Variants in RALGAPA2 observed in about 807,000 individuals in gnomAD.
The protein encoded by RALGAPA2 is ral GTPase-activating protein subunit alpha-2.
A neutral mutation model predicts 230.4 loss-of-function variants in RALGAPA2; 139 were observed. The ratio of observed to expected loss-of-function variants is 0.60; its 90% CI spans 0.53 to 0.69. RALGAPA2 has a LOEUF of 0.69. RALGAPA2 is among the 30% of genes least tolerant of loss of function. The pLI, the probability that RALGAPA2 is intolerant of heterozygous loss-of-function variation, is 0.00. For synonymous variants in RALGAPA2, 847 were observed against 837.8 expected (o/e 1.01, Z -0.19); for missense variants, 2,163 against 2,276.0 (o/e 0.95, Z 1.01).
intron 16 of RALGAPA2, among the ~76,000 whole-genome samples, chr20:20,594,027 G>A (rs1468975159): frequency 6.6e-6 from 1 of 152,148 alleles, no homozygotes; most frequent in Non-Finnish European, 1.5e-5. Flanking sequence ...TAGCAGGGCA[G>A]GAGCACTCGT....
chr20:20,615,505 G>T (rs962485024), intron 13 of RALGAPA2, among the ~76,000 whole-genome samples: 4 of 152,052 alleles, frequency 2.6e-5, no homozygotes, highest in African/African-American at 9.7e-5. Flanking sequence ...CTAATGCATT[G>T]TTTACCTGTA....
chr20:20,465,561 T>A (rs748382932), intron 37 of RALGAPA2, among the ~76,000 whole-genome samples: 39 of 152,182 alleles, frequency 2.6e-4, no homozygotes, highest in Non-Finnish European at 5.3e-4. Flanking sequence ...GTTCCTGATA[T>A]TCCCCTAGGG....
At chr20:20,607,989 T>C (rs2065871682) in intron 14 of RALGAPA2, among the ~76,000 whole-genome samples, 1 of 152,124 alleles carries the variant, frequency 6.6e-6, no homozygotes. Flanking sequence ...TCAATTACCA[T>C]TTTCTAAAAG....
intron 37 of RALGAPA2, among the ~76,000 whole-genome samples, chr20:20,454,583 C>T (rs148191667): frequency 1.8e-4 from 28 of 152,280 alleles, no homozygotes; most frequent in Non-Finnish European, 4.0e-4. Flanking sequence ...GATTGGAAGC[C>T]AGGTAAAGAA....
chr20:20,537,619 CAAAAAAAAAAAA>C (rs373034061), intron 24 of RALGAPA2, among the ~76,000 whole-genome samples: 126 of 41,098 alleles, frequency 3.1e-3, no homozygotes, highest in African/African-American at 8.2e-3. Flanking sequence ...GACTCCATCT[CAAAAAAAAAAAA>C]AAAAAAAAAG....
intron 23 of RALGAPA2, among the ~76,000 whole-genome samples, chr20:20,556,632 T>G (rs2064090747): frequency 6.6e-6 from 1 of 152,184 alleles, no homozygotes; most frequent in African/African-American, 2.4e-5. Context: ...CAATGAGACT[T>G]TAGCAAATGA....
At chr20:20,607,966 G>A (rs1327927946) in intron 14 of RALGAPA2, among the ~76,000 whole-genome samples, 2 of 152,068 alleles carry the variant, frequency 1.3e-5, no homozygotes, top group African/African-American at 4.8e-5. Flanking sequence ...ATGAAGGCAG[G>A]GTGTCCTTTT....
intron 2 of RALGAPA2, among the ~76,000 whole-genome samples, chr20:20,680,370 G>C (rs774757300): frequency 7.2e-5 from 11 of 152,178 alleles, no homozygotes; most frequent in Non-Finnish European, 1.6e-4. Context: ...GTTCATTTCA[G>C]ACCCTTTTAT....
intron 35 of RALGAPA2, among the ~76,000 whole-genome samples, chr20:20,501,282 T>C (rs2062368334): frequency 6.6e-6 from 1 of 152,262 alleles, no homozygotes; most frequent in South Asian, 2.1e-4. Flanking sequence ...CTGTTTTTAC[T>C]ACACTGAAAA....
chr20:20,465,848 A>G (rs1228354331), intron 37 of RALGAPA2, among the ~76,000 whole-genome samples: 1 of 152,194 alleles, frequency 6.6e-6, no homozygotes, highest in Non-Finnish European at 1.5e-5. Context: ...CTTTATTTTA[A>G]TACCCACAAT....
intron 37 of RALGAPA2, among the ~76,000 whole-genome samples, chr20:20,434,652 G>C (rs1026250435): frequency 2.0e-5 from 3 of 152,132 alleles, no homozygotes; most frequent in African/African-American, 7.2e-5. Flanking sequence ...ATTCCTCTTA[G>C]AGGCTGGGAG....
At chr20:20,601,872 T>C in intron 15 of RALGAPA2, 26 bp from the exon 16 acceptor site, 1 of 1,560,318 alleles carries the variant, frequency 6.4e-7, no homozygotes, top group African/African-American at 1.4e-5. Context: ...AAAAATAATC[T>C]AAAGGCTGAA....
intron 23 of RALGAPA2, among the ~76,000 whole-genome samples, chr20:20,557,836 C>T (rs1005003196): frequency 8.6e-5 from 13 of 152,028 alleles, no homozygotes; most frequent in Middle Eastern, 3.2e-3. Context: ...ACACGGAGAA[C>T]GGCATCAATC....
intron 1 of RALGAPA2, among the ~76,000 whole-genome samples, chr20:20,692,015 G>C (rs1396848200): frequency 6.6e-6 from 1 of 152,044 alleles, no homozygotes; most frequent in Non-Finnish European, 1.5e-5. Flanking sequence ...CTCTTATCAT[G>C]TGACGCCCAC....
At chr20:20,450,696 C>T (rs1277224229) in intron 37 of RALGAPA2, among the ~76,000 whole-genome samples, 3 of 152,042 alleles carry the variant, frequency 2.0e-5, no homozygotes, top group Non-Finnish European at 2.9e-5. Context: ...GCAGGGTTGT[C>T]GCCAAGAGTG....
At chr20:20,675,869 C>T (rs552279095) in intron 3 of RALGAPA2, among the ~76,000 whole-genome samples, 9 of 152,094 alleles carry the variant, frequency 5.9e-5, no homozygotes, top group Middle Eastern at 3.4e-3. Context: ...GTTTATATAA[C>T]ATTTTTGGGT....
chr20:20,553,086 A>G (rs562435014), intron 23 of RALGAPA2, among the ~76,000 whole-genome samples: 3 of 152,334 alleles, frequency 2.0e-5, no homozygotes, highest in Admixed American at 2.0e-4. Flanking sequence ...AATATGTGGT[A>G]TGTGCTTTAC....
intron 38 of RALGAPA2, among the ~76,000 whole-genome samples, chr20:20,407,605 T>A (rs777325848): frequency 6.6e-6 from 1 of 152,240 alleles, no homozygotes; most frequent in Non-Finnish European, 1.5e-5. Context: ...TTGGGGCGAA[T>A]GTGTAACATA....
intron 36 of RALGAPA2, among the ~76,000 whole-genome samples, chr20:20,485,589 A>G (rs1487816005): frequency 1.3e-5 from 2 of 152,080 alleles, no homozygotes. Context: ...CTCTCGGCAT[A>G]TTATAATTCT....
Sources: gnomAD v4.1 joint callset for allele counts (sites outside exome capture counted in the v4.1 genomes callset) on GRCh38, gnomAD v4.1.1 for gene constraint, MANE v1.5 for transcripts, NCBI Gene and HGNC (gene_info 2026-07-23, HGNC 2026-07-21) for gene names.